The following EYS variants were observed in gnomAD, a reference collection of about 807,000 sequenced individuals.
EYS encodes the protein EGF-like photoreceptor maintenance factor, also known as protein eyes shut homolog.
In EYS, 250 loss-of-function variants were observed where a neutral mutation model predicts 282.1. The ratio of observed to expected loss-of-function variants is 0.89; its 90% CI spans 0.80 to 0.98. The LOEUF is 0.98. EYS is among the 50% of genes least tolerant of loss of function. EYS has a pLI of 0.00. For missense variants in EYS, 4,016 were observed against 3,709.0 expected, an observed-to-expected ratio of 1.08 and a Z score of -2.15; for synonymous variants, 1,355 against 1,282.9, an observed-to-expected ratio of 1.06 and a Z score of -1.20.
At chr6:64,798,452 T>G (rs1019068627) in intron 22 of EYS, among the ~76,000 whole-genome samples, 4 of 151,930 alleles carry the variant, frequency 2.6e-5, no homozygotes, top group Admixed American at 1.3e-4. Context: ...GAAATGTGAT[T>G]AGATTAATCT....
At chr6:65,574,978 T>C (rs1001031063) in intron 2 of EYS, among the ~76,000 whole-genome samples, 1 of 152,064 alleles carries the variant, frequency 6.6e-6, no homozygotes, top group African/African-American at 2.4e-5. Context: ...CAAAAAAGAA[T>C]AGAACTATTT....
intron 15 of EYS, among the ~76,000 whole-genome samples, chr6:64,918,307 G>A (rs1010490832): frequency 1.3e-5 from 2 of 152,070 alleles, no homozygotes; most frequent in African/African-American, 4.8e-5. Flanking sequence ...AGATTGATAT[G>A]GGTAAAATGA....
At chr6:65,065,833 C>T (rs1227368672) in intron 12 of EYS, among the ~76,000 whole-genome samples, 1 of 152,174 alleles carries the variant, frequency 6.6e-6, no homozygotes, top group East Asian at 1.9e-4. Context: ...GAATGTGTCA[C>T]ATGTATTTGT....
chr6:64,837,319 G>GA (rs1273434084), intron 19 of EYS, among the ~76,000 whole-genome samples: 2 of 151,210 alleles, frequency 1.3e-5, no homozygotes, highest in African/African-American at 4.8e-5. Flanking sequence ...AGGCATAGAA[G>GA]AAACACACTT....
chr6:64,579,336 A>G (rs1466066748), intron 26 of EYS, among the ~76,000 whole-genome samples: 1 of 152,082 alleles, frequency 6.6e-6, no homozygotes, highest in Non-Finnish European at 1.5e-5. Flanking sequence ...GGAAAAATCC[A>G]TGATATCTGG....
At chr6:64,903,491 T>C (rs1320136725) in intron 16 of EYS, among the ~76,000 whole-genome samples, 1 of 152,186 alleles carries the variant, frequency 6.6e-6, no homozygotes, top group Non-Finnish European at 1.5e-5. Context: ...TACCCAGGAA[T>C]AGCTGTCTTC....
chr6:64,939,136 TTTCTC>T (rs1435697054), intron 15 of EYS, among the ~76,000 whole-genome samples: 1 of 151,862 alleles, frequency 6.6e-6, no homozygotes, highest in African/African-American at 2.4e-5. Flanking sequence ...TGACTGCTCT[TTTCTC>T]TTTACAATCT....
intron 35 of EYS, among the ~76,000 whole-genome samples, chr6:63,913,724 T>C (rs1764342146): frequency 6.6e-6 from 1 of 152,242 alleles, no homozygotes; most frequent in Non-Finnish European, 1.5e-5. Flanking sequence ...GTTTATCCAT[T>C]CATCAGATGA....
intron 31 of EYS, among the ~76,000 whole-genome samples, chr6:64,203,306 G>A (rs192218729): frequency 1.1e-3 from 170 of 152,286 alleles, no homozygotes; most frequent in African/African-American, 4.0e-3. Context: ...CCCAAGTGGT[G>A]GGCAAGCCTT....
intron 12 of EYS, among the ~76,000 whole-genome samples, chr6:65,206,072 AT>A (rs1260896470): frequency 6.6e-6 from 1 of 151,868 alleles, no homozygotes; most frequent in African/African-American, 2.4e-5. Context: ...CTTAAAAATG[AT>A]ACAAAAGATC....
chr6:64,441,347 C>G (rs140408374), intron 26 of EYS, among the ~76,000 whole-genome samples: 1 of 152,222 alleles, frequency 6.6e-6, no homozygotes, highest in East Asian at 1.9e-4. Flanking sequence ...CAGGGGATGT[C>G]AAAACTGTTG....
intron 5 of EYS, among the ~76,000 whole-genome samples, chr6:65,427,247 C>A (rs1582276818): frequency 1.3e-5 from 2 of 151,936 alleles, no homozygotes; most frequent in African/African-American, 2.4e-5. Context: ...ATTTTGTAAT[C>A]ATTTTAGCAC....
At chr6:64,383,617 G>A (rs1432770783) in intron 29 of EYS, among the ~76,000 whole-genome samples, 1 of 152,218 alleles carries the variant, frequency 6.6e-6, no homozygotes, top group African/African-American at 2.4e-5. Flanking sequence ...ATGTTTATCA[G>A]AGGTTTGGGT....
rs185408158 is a variant in EYS at position 65,605,152 on chromosome 6, A to G, written c.-333+34626T>C. Among the ~76,000 whole-genome samples the G allele has an allele frequency of 6.6e-5, 10 of 151,582 alleles. No individual in the cohort carries two copies. The East Asian group carries it at 1.9e-3, about 30-fold the overall frequency. On this transcript the variant is annotated intron_variant, in intron 2 of 42. Transcript: ENST00000503581. The stretch of plus-strand genomic sequence containing the variant: ...GAGTCACCATACTGGCTTTCACTGC[A>G]CATTTGAAATTTTCATAATAAAATG...
chr6:63,912,933 C>T (rs114829241), intron 35 of EYS, among the ~76,000 whole-genome samples: 1,918 of 152,228 alleles, frequency 0.013, 37 homozygotes, highest in African/African-American at 0.044. Context: ...TTATAAATTA[C>T]CCAGTGTCAG....
At chr6:65,472,800 A>G (rs1765262652) in intron 5 of EYS, among the ~76,000 whole-genome samples, 1 of 152,006 alleles carries the variant, frequency 6.6e-6, no homozygotes, top group Non-Finnish European at 1.5e-5. Flanking sequence ...TTTCTTACTT[A>G]ATTCCTAGGT....
At chr6:63,784,080 T>C (rs1029921970) in intron 39 of EYS, among the ~76,000 whole-genome samples, 2 of 152,196 alleles carry the variant, frequency 1.3e-5, no homozygotes, top group African/African-American at 4.8e-5. Context: ...AAACATTGGC[T>C]TTTCTTGGGT....
chr6:64,151,343 A>T (rs866949996), intron 31 of EYS, among the ~76,000 whole-genome samples: 2,926 of 118,588 alleles, frequency 0.025, 383 homozygotes, highest in African/African-American at 0.11. Flanking sequence ...ATATATATAT[A>T]TATATATATA....
At chr6:63,795,067 T>G (rs974421724) in intron 37 of EYS, among the ~76,000 whole-genome samples, 2 of 152,136 alleles carry the variant, frequency 1.3e-5, no homozygotes, top group Non-Finnish European at 2.9e-5. Context: ...CCTTTTAGAA[T>G]GCACAGGAAA....
Sources: gnomAD v4.1 joint callset for allele counts (sites outside exome capture counted in the v4.1 genomes callset) on GRCh38, gnomAD v4.1.1 for gene constraint, MANE v1.5 for transcripts, NCBI Gene and HGNC (gene_info 2026-07-23, HGNC 2026-07-21) for gene names.